Variants in RFPL4B observed in about 807,000 individuals in gnomAD.
RFPL4B encodes ret finger protein-like 4B.
For synonymous variants in RFPL4B, 118 were observed against 126.3 expected (o/e 0.93, Z 0.44); for missense variants, 314 against 327.7 (o/e 0.96, Z 0.32).
In RFPL4B at chr6:112,350,385, A is replaced by T. The variant is rs1300875613; in HGVS notation, c.677A>T (p.Asn226Ile). Reference sequence around the variant, plus strand: ...ATCCAGTTTTTTGATGTTGACAATAATGTCCTCATCTATACACATGATGGT... The same window carrying T: ...ATCCAGTTTTTTGATGTTGACAATATTGTCCTCATCTATACACATGATGGT... ...EEIQFFDVDN[N>I]VLIYTHDGFF... Residue 226 changes from asparagine (N) to isoleucine (I), a missense_variant, in exon 3 of 3, where the codon AAT (asparagine) becomes ATT (isoleucine). Physicochemically the swap from Asn to Ile is moderately radical, Grantham distance 149. Transcript: ENST00000441065. The T allele has an allele frequency of 1.2e-6, 2 of 1,614,094 alleles. No individual in the cohort carries two copies. The highest frequency in any genetic ancestry group is 4.5e-5 in the East Asian group (2 of 44,884).
Position 112,350,306 on chromosome 6 carries a change from G to A in RFPL4B, c.598G>A (p.Ala200Thr). Reference sequence around the variant, plus strand: ...TAACACCCACCTGGAGAGAATTCCTGCAAGCCCTCGCCTTCGCCGTGTGGG... The same window carrying A: ...TAACACCCACCTGGAGAGAATTCCTACAAGCCCTCGCCTTCGCCGTGTGGG... ...HANTHLERIPASPRLRRVGIF... is the reference protein window; with the variant it reads ...HANTHLERIPTSPRLRRVGIF... Residue 200 changes from alanine (A) to threonine (T), a missense_variant, in exon 3 of 3, where the codon GCA becomes ACA. Physicochemically the swap from Ala to Thr is moderately conservative, Grantham distance 58. Coordinates refer to ENST00000441065, the MANE Select transcript of RFPL4B (RefSeq NM_001013734.3). 3 of 1,614,238 alleles carry A rather than the reference G, an allele frequency of 1.9e-6. No homozygotes were observed. The highest frequency in any genetic ancestry group is 1.7e-6 in the Non-Finnish European group (2 of 1,180,048).
intron 1 of RFPL4B, among the ~76,000 whole-genome samples, chr6:112,347,728 C>T (rs1356761512): frequency 1.3e-5 from 2 of 152,242 alleles, no homozygotes; most frequent in East Asian, 1.9e-4. Context: ...CCATGGTTCG[C>T]GCCTGCGCTT....
At position 112,350,649 on chromosome 6, in the gene RFPL4B, A is replaced by G. The variant is rs1789142394; in HGVS notation, c.*149A>G. On this transcript the variant is annotated 3_prime_UTR_variant, in exon 3 of 3. Coordinates refer to ENST00000441065, the MANE Select transcript of RFPL4B (RefSeq NM_001013734.3). ...GATTTTGTAGACTTTGTAGCAAAAC[A>G]ATTTTCGGATTTTTGGGGTAAATTT... is the stretch of plus-strand genomic sequence containing the variant. 6 of 655,136 alleles carry G rather than the reference A, an allele frequency of 9.2e-6. No individual in the cohort carries two copies. In the Admixed American group the frequency reaches 1.7e-4, roughly 19 times the overall value. The allele number at this position is 655,136 out of a possible 1,614,324, so 40.6% of individuals were successfully genotyped here. A position where few individuals can be genotyped will look rare whatever the true frequency, so the allele number is the denominator to read the frequency against.
In RFPL4B at chr6:112,350,056, C is replaced by A. The variant is rs147620371; in HGVS notation, c.348C>A (p.Ser116Arg). 19 of 1,614,044 alleles carry A rather than the reference C, an allele frequency of 1.2e-5. No individual in the cohort carries two copies. Among genetic ancestry groups the A allele is most frequent in the Non-Finnish European group, 1.5e-5 (18 of 1,180,044 alleles). The change falls in exon 3 of 3, where the codon AGC becomes AGA. Residue 116 changes from serine to arginine, a missense_variant. Coordinates refer to ENST00000441065, the MANE Select transcript of RFPL4B (RefSeq NM_001013734.3). ...SLLVFSNDLR[S>R]AQCKKIHHDL... Reference sequence around the variant, plus strand: ...TTGTCTTCTCCAATGATCTAAGAAGCGCTCAGTGTAAGAAGATCCACCACG... The same window carrying A: ...TTGTCTTCTCCAATGATCTAAGAAGAGCTCAGTGTAAGAAGATCCACCACG...
At position 112,349,917 on chromosome 6, in the gene RFPL4B, C is replaced by T; in HGVS notation, c.209C>T (p.Thr70Ile). The change falls in exon 3 of 3, where the codon ACA becomes ATA. Residue 70 changes from threonine to isoleucine, a missense_variant. Coordinates refer to ENST00000441065, the MANE Select transcript of RFPL4B (RefSeq NM_001013734.3). ...GAAGAATGGCAAGTGAGCGTCCTAA[C>T]ACTTATGACCAAGCAGCACAATAGC... ...ALEEWQVSVLTLMTKQHNSRL... is the reference protein window; with the variant it reads ...ALEEWQVSVLILMTKQHNSRL... The T allele has an allele frequency of 1.2e-6, 2 of 1,614,200 alleles. No individual in the cohort carries two copies. The highest frequency in any genetic ancestry group is 1.7e-6 in the Non-Finnish European group (2 of 1,180,028).
At chr6:112,349,164 A>G (rs1789118288) in intron 1 of RFPL4B, 29 bp from the exon 2 acceptor site, 1 of 152,206 alleles carries the variant, frequency 6.6e-6, no homozygotes, top group Non-Finnish European at 1.5e-5. Flanking sequence ...TTGAATTTAG[A>G]CATGAACATT....
rs1386859996 is a variant in RFPL4B, at chr6:112,350,603, A to C, written c.*103A>C. On this transcript the variant is annotated 3_prime_UTR_variant, in exon 3 of 3. Coordinates refer to ENST00000441065, the MANE Select transcript of RFPL4B (RefSeq NM_001013734.3). The stretch of plus-strand genomic sequence containing the variant: ...AGAGATAATGTGCTATAGTGCAAAG[A>C]CTTGGTAAATTTTTAAAGTAGATTT... 5.6e-6 allele frequency: 5 copies of C among 897,956 alleles called. No individual in the cohort carries two copies. The East Asian group carries it at 1.0e-4, about 18-fold the overall frequency. 55.6% of individuals were successfully genotyped at this position (897,956 alleles called of 1,614,324 possible).
chr6:112,347,505 G>A (rs1273894177), intron 1 of RFPL4B, 98 bp downstream of exon 1: 3 of 152,136 alleles, frequency 2.0e-5, no homozygotes, highest in East Asian at 1.9e-4. Flanking sequence ...TATTTTAGAG[G>A]AGAAAGAACT....
chr6:112,349,994 G>T lies in RFPL4B; in HGVS notation c.286G>T (p.Asp96Tyr), dbSNP rs150983700. 31 of 1,614,210 alleles carry T rather than the reference G, an allele frequency of 1.9e-5. 1 individual carries two copies. The South Asian group carries it at 3.2e-4, about 17-fold the overall frequency. The change falls in exon 3 of 3, where the codon GAT becomes TAT. Residue 96 changes from aspartate (D) to tyrosine (Y), a missense_variant. Coordinates refer to ENST00000441065, the MANE Select transcript of RFPL4B (RefSeq NM_001013734.3). Reference sequence around the variant, plus strand: ...GGAGGAGCTCCGGCATTTTCGGGAGGATGTGACCCTGGATGCAGCCACTGC... The same window carrying T: ...GGAGGAGCTCCGGCATTTTCGGGAGTATGTGACCCTGGATGCAGCCACTGC... ...VREELRHFREDVTLDAATASS... is the reference protein window; with the variant it reads ...VREELRHFREYVTLDAATASS...
chr6:112,348,813 A>C (rs1049249761), intron 1 of RFPL4B, among the ~76,000 whole-genome samples: 1 of 152,236 alleles, frequency 6.6e-6, no homozygotes, highest in African/African-American at 2.4e-5. Context: ...TGGGAGCACC[A>C]GAGGCTCTCA....
In RFPL4B at chr6:112,350,218, G is replaced by A; in HGVS notation, c.510G>A (p.Lys170=). The A allele has an allele frequency of 5.6e-6, 9 of 1,614,228 alleles. No individual in the cohort carries two copies. Among genetic ancestry groups the A allele is most frequent in the Non-Finnish European group, 7.6e-6 (9 of 1,180,040 alleles). The part of the protein sequence containing the change: ...LGVCKEPADR[K]SNDLFPEHGF... ...TCTGCAAGGAGCCGGCTGACAGAAA[G>A]AGCAATGATTTATTCCCTGAGCATG... is the stretch of plus-strand genomic sequence containing the variant. The change falls in exon 3 of 3, where the codon AAG becomes AAA. Residue 170 remains lysine, a synonymous_variant. Coordinates refer to ENST00000441065, the MANE Select transcript of RFPL4B (RefSeq NM_001013734.3).
At chr6:112,349,566 CT>C in intron 2 of RFPL4B, 37 bp from the exon 3 acceptor site, 1 of 354,312 alleles carries the variant, frequency 2.8e-6, no homozygotes, top group Non-Finnish European at 5.2e-6. Context: ...ATGCCAATAA[CT>C]TATTTATTAA....
rs750918050 is a variant in RFPL4B, at chr6:112,350,511, C to T, written c.*11C>T. On this transcript the variant is annotated 3_prime_UTR_variant, in exon 3 of 3. Transcript: ENST00000441065. ...ACCATCTGCCCATGAGAAAGTCAGC[C>T]CTTCCTAGAAGCTTTCTGAGAGGTG... 2 of 1,556,268 alleles carry T rather than the reference C, an allele frequency of 1.3e-6. No individual in the cohort carries two copies. The highest frequency in any genetic ancestry group is 2.4e-5 in the South Asian group (2 of 81,734).
At chr6:112,347,712 C>G (rs1311759934) in intron 1 of RFPL4B, among the ~76,000 whole-genome samples, 1 of 152,180 alleles carries the variant, frequency 6.6e-6, no homozygotes, top group African/African-American at 2.4e-5. Context: ...GGTTTTCGGC[C>G]GGGCGCCATG....
intron 1 of RFPL4B, among the ~76,000 whole-genome samples, chr6:112,348,720 G>A (rs34819444): frequency 0.15 from 22,106 of 152,136 alleles, 2,269 homozygotes; most frequent in East Asian, 0.42. Context: ...TTTGGGTCAT[G>A]GGTCTAGCCT....
At chr6:112,348,526 C>A (rs1201868425) in intron 1 of RFPL4B, among the ~76,000 whole-genome samples, 8 of 152,218 alleles carry the variant, frequency 5.3e-5, no homozygotes, top group Admixed American at 5.2e-4. Flanking sequence ...CTTCCTCTCT[C>A]TGGTAATGTT....
chr6:112,349,566 C>G (rs969938466), intron 2 of RFPL4B, 38 bp from the exon 3 acceptor site: 9 of 354,198 alleles, frequency 2.5e-5, no homozygotes, highest in Non-Finnish European at 3.6e-5. Context: ...ATGCCAATAA[C>G]TTATTTATTA....
chr6:112,349,933 G>A lies in RFPL4B; in HGVS notation c.225G>A (p.Gln75=), dbSNP rs1163072649. Reference sequence around the variant, plus strand: ...GCGTCCTAACACTTATGACCAAGCAGCACAATAGCCGACTTGAGCAAAGTC... The same window carrying A: ...GCGTCCTAACACTTATGACCAAGCAACACAATAGCCGACTTGAGCAAAGTC... ...QVSVLTLMTK[Q]HNSRLEQSLH... Residue 75 remains glutamine (Q), a synonymous_variant, in exon 3 of 3, where the codon CAG becomes CAA. Coordinates refer to ENST00000441065, the MANE Select transcript of RFPL4B (RefSeq NM_001013734.3). 6.2e-7 allele frequency: 1 copy of A among 1,614,240 alleles called. No homozygotes were observed. The highest frequency in any genetic ancestry group is 2.2e-5 in the East Asian group (1 of 44,892).
chr6:112,349,846 A>G lies in RFPL4B; in HGVS notation c.138A>G (p.Arg46=). Residue 46 remains arginine, a synonymous_variant, in exon 3 of 3, where the codon AGA becomes AGG. Coordinates refer to ENST00000441065, the MANE Select transcript of RFPL4B (RefSeq NM_001013734.3). ...QRYILENHDF[R]AMCPLCRDVV... ...ATATACTAGAAAACCATGATTTTAG[A>G]GCGATGTGCCCCTTGTGTCGAGACG... 1.2e-6 allele frequency: 2 copies of G among 1,614,182 alleles called. No individual in the cohort carries two copies. Among genetic ancestry groups the G allele is most frequent in the Non-Finnish European group, 1.7e-6 (2 of 1,180,030 alleles).
Sources: allele counts gnomAD v4.1 joint callset (sites outside exome capture counted in the v4.1 genomes callset), GRCh38; gene constraint gnomAD v4.1.1; transcripts MANE v1.5; gene names NCBI Gene and HGNC (gene_info 2026-07-23, HGNC 2026-07-21).